Variants in DOCK5 observed in about 807,000 individuals in gnomAD.
The protein encoded by DOCK5 is dedicator of cytokinesis protein 5.
Under a neutral mutation model 251.8 loss-of-function variants are expected in DOCK5, and 142 were observed. That is an observed-to-expected ratio of 0.56 (90% CI 0.49 to 0.65). DOCK5 has a LOEUF of 0.65. Among genes scored for constraint, DOCK5 ranks in the 30% least tolerant of loss-of-function variants. DOCK5 has a pLI of 0.00. For synonymous variants in DOCK5, 842 were observed against 835.5 expected (o/e 1.01, Z -0.13); for missense variants, 2,111 against 2,312.3 (o/e 0.91, Z 1.79).
At chr8:25,210,001 C>T (rs1322447658) in intron 1 of DOCK5, among the ~76,000 whole-genome samples, 1 of 41,976 alleles carries the variant, frequency 2.4e-5, no homozygotes, top group African/African-American at 6.5e-5. Flanking sequence ...CCACCATCCC[C>T]GGCTAATTAT....
chr8:25,393,654 A>G (rs1178188665), intron 44 of DOCK5, among the ~76,000 whole-genome samples: 2 of 152,108 alleles, frequency 1.3e-5, no homozygotes, highest in East Asian at 3.9e-4. Context: ...ACTAACTCCC[A>G]TCAAGGTTCA....
chr8:25,308,422 G>C (rs1452755046), intron 11 of DOCK5, among the ~76,000 whole-genome samples: 1 of 152,114 alleles, frequency 6.6e-6, no homozygotes, highest in African/African-American at 2.4e-5. Flanking sequence ...CTATCAAGCA[G>C]AAGTAGACCT....
intron 42 of DOCK5, among the ~76,000 whole-genome samples, chr8:25,390,626 C>T (rs1289142785): frequency 6.6e-6 from 1 of 152,238 alleles, no homozygotes; most frequent in Non-Finnish European, 1.5e-5. Flanking sequence ...TCAGAAATTT[C>T]ACACCTAGCT....
Position 25,275,489 on chromosome 8 carries a change from A to G in DOCK5, c.224+48A>G, listed in dbSNP as rs778166179. On this transcript the variant is annotated intron_variant, in intron 4 of 51. Coordinates refer to ENST00000276440, the MANE Select transcript of DOCK5 (RefSeq NM_024940.8). ...TCCCCAAAAATGATGAAGATGTAACATTATCATTAATGATAATCTTTAGGC... is the reference window on the plus strand; with the variant it reads ...TCCCCAAAAATGATGAAGATGTAACGTTATCATTAATGATAATCTTTAGGC... The G allele has an allele frequency of 2.6e-6, 4 of 1,517,388 alleles. No individual in the cohort carries two copies. The African/African-American group carries it at 4.2e-5, about 16-fold the overall frequency. The allele number at this position is 1,517,388 out of a possible 1,614,324, so 94.0% of individuals were successfully genotyped here. A position where few individuals can be genotyped will look rare whatever the true frequency, so the allele number is the denominator to read the frequency against.
chr8:25,317,633 C>T (rs1018563854), intron 14 of DOCK5, among the ~76,000 whole-genome samples: 4 of 152,214 alleles, frequency 2.6e-5, no homozygotes, highest in South Asian at 2.1e-4. Flanking sequence ...TTTTTTGAGA[C>T]GGAGTCTTGC....
chr8:25,333,710 A>G (rs1241194174), intron 20 of DOCK5, among the ~76,000 whole-genome samples: 2 of 152,216 alleles, frequency 1.3e-5, no homozygotes, highest in African/African-American at 4.8e-5. Flanking sequence ...TAGTGTACAC[A>G]GGAGAAAAAT....
chr8:25,396,598 C>T (rs1801348956), intron 45 of DOCK5, among the ~76,000 whole-genome samples: 1 of 152,078 alleles, frequency 6.6e-6, no homozygotes, highest in African/African-American at 2.4e-5. Flanking sequence ...TTTTTCATTG[C>T]TGTGGTATGT....
chr8:25,287,792 C>T (rs139242661), intron 5 of DOCK5, among the ~76,000 whole-genome samples: 340 of 151,336 alleles, frequency 2.2e-3, no homozygotes, highest in African/African-American at 7.1e-3. Context: ...CTACAACAGG[C>T]GGGCCTGGGC....
chr8:25,352,912 G>T (rs578005364), intron 27 of DOCK5, among the ~76,000 whole-genome samples: 9 of 152,196 alleles, frequency 5.9e-5, no homozygotes, highest in African/African-American at 1.9e-4. Context: ...ACCAGAGAGG[G>T]TAAAATTTGG....
chr8:25,376,326 G>C (rs1302966183), intron 37 of DOCK5: 2 of 985,144 alleles, frequency 2.0e-6, no homozygotes, highest in South Asian at 4.7e-5. Flanking sequence ...TAGAGATGCT[G>C]TTTGTTAAGT....
At position 25,304,319 on chromosome 8, in the gene DOCK5, C is replaced by A; in HGVS notation, c.1041C>A (p.Pro347=). 1 of 1,608,146 alleles carries A rather than the reference C, an allele frequency of 6.2e-7. No homozygotes were observed. Among genetic ancestry groups the A allele is most frequent in the Non-Finnish European group, 8.5e-7 (1 of 1,177,362 alleles). Residue 347 remains proline, a synonymous_variant, in exon 11 of 52, where the codon CCC becomes CCA. Transcript: ENST00000276440. ...ATGAAGAAAAGCAGCATTTTATTCC[C>A]TTTCAGCAGTAAGTACTTTGGCATG... is the stretch of plus-strand genomic sequence containing the variant. ...VDDEEKQHFI[P]FQQIAMETYI... is the part of the protein sequence containing the mutation.
chr8:25,207,785 A>G (rs1802039250), intron 1 of DOCK5, among the ~76,000 whole-genome samples: 1 of 152,240 alleles, frequency 6.6e-6, no homozygotes, highest in African/African-American at 2.4e-5. Context: ...ACACAACATG[A>G]ATACTGCAGC....
intron 1 of DOCK5, among the ~76,000 whole-genome samples, chr8:25,224,995 G>A (rs1480387342): frequency 1.3e-5 from 2 of 152,190 alleles, no homozygotes; most frequent in Non-Finnish European, 2.9e-5. Context: ...AAGATTCTCA[G>A]CACCACTAAG....
At chr8:25,339,685 G>A (rs1805902627) in intron 22 of DOCK5, among the ~76,000 whole-genome samples, 1 of 152,342 alleles carries the variant, frequency 6.6e-6, no homozygotes, top group East Asian at 1.9e-4. Flanking sequence ...TGCGTGAGGA[G>A]TAACGAGAAC....
intron 37 of DOCK5, 90 bp downstream of exon 37, chr8:25,374,744 G>T (rs781162977): frequency 6.2e-7 from 1 of 1,609,526 alleles, no homozygotes; most frequent in South Asian, 1.1e-5. Context: ...TGATGGGAAA[G>T]AACTTTATTC....
At position 25,354,062 on chromosome 8, in the gene DOCK5, A is replaced by ACGTAGG. The variant is rs1800522310; in HGVS notation, c.2850+2236_2850+2237insCGTAGG. Among the ~76,000 whole-genome samples, 18 of 139,812 alleles carry ACGTAGG rather than the reference A, an allele frequency of 1.3e-4. No individual in the cohort carries two copies. In the South Asian group the frequency reaches 4.1e-3, roughly 32 times the overall value. 91.7% of individuals were successfully genotyped at this position (139,812 alleles called of 152,430 possible). On this transcript the variant is annotated intron_variant, in intron 27 of 51. Coordinates refer to ENST00000276440, the MANE Select transcript of DOCK5 (RefSeq NM_024940.8). ...AAAAAAAAAAAACAAACAAAAAAAAAAACGTAGGAGAGAAAACTAGTCAAA... is the reference window on the plus strand; with the variant it reads ...AAAAAAAAAAAACAAACAAAAAAAAACGTAGGAACGTAGGAGAGAAAACTAGTCAAA...
chr8:25,214,555 A>G (rs1293189903), intron 1 of DOCK5, among the ~76,000 whole-genome samples: 2 of 152,134 alleles, frequency 1.3e-5, no homozygotes, highest in East Asian at 3.8e-4. Flanking sequence ...CACTGTCAGT[A>G]TCTATAAGTA....
chr8:25,386,573 G>A (rs1207064801), intron 40 of DOCK5, among the ~76,000 whole-genome samples: 2 of 152,160 alleles, frequency 1.3e-5, no homozygotes, highest in Non-Finnish European at 2.9e-5. Flanking sequence ...ACTCCAGCCT[G>A]GATGACAGAG....
intron 25 of DOCK5, chr8:25,345,254 ATT>A (rs35685614): frequency 0.011 from 3,568 of 329,098 alleles, no homozygotes; most frequent in South Asian, 0.022. Context: ...GAGAAGGGTC[ATT>A]TTTTTTTTTT....
Sources: gnomAD v4.1 joint callset for allele counts (sites outside exome capture counted in the v4.1 genomes callset) on GRCh38, gnomAD v4.1.1 for gene constraint, MANE v1.5 for transcripts, NCBI Gene and HGNC (gene_info 2026-07-23, HGNC 2026-07-21) for gene names.